KIF13A: variants seen among roughly 807,000 people sequenced by gnomAD.
The protein encoded by KIF13A is kinesin family member 13A.
A neutral mutation model predicts 212.2 loss-of-function variants in KIF13A; 79 were observed. The observed-to-expected ratio is 0.37, with a 90% CI of 0.31 to 0.45. The LOEUF is 0.45. Ranked by LOEUF, KIF13A falls within the 20% of genes least tolerant of loss-of-function variation. The pLI is 1.00. For missense variants in KIF13A, 1,901 were observed against 2,209.0 expected (o/e 0.86, Z 2.79); for synonymous variants, 789 against 808.6 (o/e 0.98, Z 0.41).
chr6:17,907,456 A>C (rs1176937325), intron 2 of KIF13A, among the ~76,000 whole-genome samples: 4 of 151,598 alleles, frequency 2.6e-5, no homozygotes, highest in African/African-American at 9.7e-5. Context: ...AGGGTTATCC[A>C]TGTGGTTAAT....
intron 9 of KIF13A, among the ~76,000 whole-genome samples, chr6:17,848,602 G>T: frequency 1.9e-5 from 2 of 107,746 alleles, no homozygotes; most frequent in African/African-American, 7.3e-5. Context: ...GTCTCGCTCT[G>T]TTGCCTAGGC....
chr6:17,785,861 G>C lies in KIF13A; in HGVS notation c.3362-220C>G, dbSNP rs1381782803. 1.3e-5 allele frequency among the ~76,000 whole-genome samples: 2 copies of C among 152,042 alleles called. No homozygotes were observed. Among genetic ancestry groups the C allele is most frequent in the Non-Finnish European group, 2.9e-5 (2 of 68,012 alleles). On this transcript the variant is annotated intron_variant, in intron 27 of 38. Coordinates refer to ENST00000259711, the MANE Select transcript of KIF13A (RefSeq NM_022113.6). This position sits in a 1 kb window ranked among gnomAD's most constrained non-coding sequence, Gnocchi z 5.8. ...GAGCCTGGGAGTTCAAGGCTACAGT[G>C]AGCTATCATCACATTACTGTACTAA...
chr6:17,779,087 T>C lies in KIF13A; in HGVS notation c.3952A>G (p.Ile1318Val), dbSNP rs1748280803. ...VSNIPKATEEIEDRETLALLA... is the reference protein window; with the variant it reads ...VSNIPKATEEVEDRETLALLA... ...AGAGCCAGCGTTTCCCGGTCCTCTA[T>C]CTCCTCAGTTGCCTACGAGGACAGG... Residue 1318 changes from isoleucine (I) to valine (V), a missense_variant, in exon 33 of 39, where the codon ATA becomes GTA. Physicochemically the swap from Ile to Val is conservative, Grantham distance 29. This residue lies in a region of KIF13A where 687 missense variants were observed against 759.1 expected (regional missense o/e 0.90). Transcript: ENST00000259711. 1 of 1,613,646 alleles carries C rather than the reference T, an allele frequency of 6.2e-7. No individual in the cohort carries two copies. Among genetic ancestry groups the C allele is most frequent in the East Asian group, 2.2e-5 (1 of 44,854 alleles).
At chr6:17,939,985 A>G (rs1776811067) in intron 2 of KIF13A, among the ~76,000 whole-genome samples, 1 of 149,930 alleles carries the variant, frequency 6.7e-6, no homozygotes, top group Non-Finnish European at 1.5e-5. Context: ...GCTTGCAGTG[A>G]GCCGAGATCG....
chr6:17,802,749 C>T (rs1260177637), intron 20 of KIF13A, among the ~76,000 whole-genome samples: 1 of 151,802 alleles, frequency 6.6e-6, no homozygotes, highest in East Asian at 1.9e-4. Context: ...GTTAACTGTG[C>T]TTTTTCTTTT....
chr6:17,876,465 G>A (rs1472965084), intron 3 of KIF13A, among the ~76,000 whole-genome samples: 3 of 152,046 alleles, frequency 2.0e-5, no homozygotes, highest in African/African-American at 4.8e-5. Flanking sequence ...GGCCCAGTTC[G>A]ATACATTTTT....
chr6:17,821,722 T>C, intron 16 of KIF13A: 1 of 1,509,034 alleles, frequency 6.6e-7, no homozygotes, highest in Non-Finnish European at 8.8e-7. Context: ...AGCATGAGCA[T>C]CAATCAGCAG....
intron 2 of KIF13A, among the ~76,000 whole-genome samples, chr6:17,981,073 A>T (rs1159153471): frequency 6.6e-6 from 1 of 151,424 alleles, no homozygotes; most frequent in Admixed American, 6.6e-5. Flanking sequence ...TGACCACTTC[A>T]CAATTTAAAC....
intron 2 of KIF13A, among the ~76,000 whole-genome samples, chr6:17,975,019 G>C (rs1382899574): frequency 6.6e-6 from 1 of 152,104 alleles, no homozygotes; most frequent in Non-Finnish European, 1.5e-5. Context: ...CAAGCTACCA[G>C]CATCAGCCAT....
In KIF13A at chr6:17,789,624, T is replaced by C. The variant is rs1184418613; in HGVS notation, c.3261+248A>G. ...TTAATACAGTGATAATGGTCTTGCT[T>C]AGCAATAAGCCAGTAAATCGAGATG... On this transcript the variant is annotated intron_variant, in intron 26 of 38. Coordinates refer to ENST00000259711, the MANE Select transcript of KIF13A (RefSeq NM_022113.6). This position sits in a 1 kb window ranked among gnomAD's most constrained non-coding sequence, Gnocchi z 4.8. Among the ~76,000 whole-genome samples the C allele has an allele frequency of 6.6e-6, 1 of 152,192 alleles. No individual in the cohort carries two copies. Among genetic ancestry groups the C allele is most frequent in the African/African-American group, 2.4e-5 (1 of 41,436 alleles).
chr6:17,953,448 G>C (rs1778054818), intron 2 of KIF13A: 1 of 152,092 alleles, frequency 6.6e-6, no homozygotes, highest in East Asian at 1.9e-4. Flanking sequence ...AATCTTTAAA[G>C]CCCCAGATGT....
chr6:17,952,701 C>T (rs1336837330), intron 2 of KIF13A, among the ~76,000 whole-genome samples: 1 of 152,054 alleles, frequency 6.6e-6, no homozygotes, highest in African/African-American at 2.4e-5. Flanking sequence ...GAGGCTGAGG[C>T]AGGCAGATCA....
chr6:17,913,920 C>T (rs1774278611), intron 2 of KIF13A, among the ~76,000 whole-genome samples: 2 of 152,290 alleles, frequency 1.3e-5, no homozygotes, highest in South Asian at 2.1e-4. Context: ...AGCTGAGGCT[C>T]AGTGCCAGCC....
intron 2 of KIF13A, among the ~76,000 whole-genome samples, chr6:17,920,589 T>C (rs1255611303): frequency 6.6e-6 from 1 of 152,166 alleles, no homozygotes; most frequent in Admixed American, 6.6e-5. Flanking sequence ...AAAAGTAATA[T>C]GCGGCTGGGT....
At chr6:17,800,954 G>T (rs989317569) in intron 20 of KIF13A, among the ~76,000 whole-genome samples, 2 of 151,662 alleles carry the variant, frequency 1.3e-5, no homozygotes, top group African/African-American at 2.4e-5. Context: ...GGCTGGTCTC[G>T]AACTCCTGAC....
intron 3 of KIF13A, among the ~76,000 whole-genome samples, chr6:17,889,012 C>A (rs564740616): frequency 6.6e-6 from 1 of 152,262 alleles, no homozygotes; most frequent in East Asian, 1.9e-4. Flanking sequence ...CCACTTGTGG[C>A]TAAATGGCTA....
intron 2 of KIF13A, among the ~76,000 whole-genome samples, chr6:17,938,651 T>G (rs534346333): frequency 1.3e-5 from 2 of 152,238 alleles, no homozygotes; most frequent in East Asian, 3.9e-4. Context: ...ATTTGACAAC[T>G]AAATCTCACT....
At chr6:17,932,168 A>T (rs920129172) in intron 2 of KIF13A, among the ~76,000 whole-genome samples, 2 of 152,182 alleles carry the variant, frequency 1.3e-5, no homozygotes, top group African/African-American at 4.8e-5. Flanking sequence ...ACACACAGAT[A>T]CACACACATA....
Position 17,836,764 on chromosome 6 carries a change from G to A in KIF13A, c.1155+114C>T, listed in dbSNP as rs893651482. 3.5e-5 allele frequency: 32 copies of A among 902,818 alleles called. No individual in the cohort carries two copies. In the South Asian group the frequency reaches 4.7e-4, roughly 13 times the overall value. 55.9% of individuals were successfully genotyped at this position (902,818 alleles called of 1,614,324 possible). A position where few individuals can be genotyped will look rare whatever the true frequency, so the allele number is the denominator to read the frequency against. ...CAATTCAACATGAGATTTGGGTAGA[G>A]ACATAAATCGAAACCATATCAGATG... On this transcript the variant is annotated intron_variant, in intron 11 of 38. Transcript: ENST00000259711.
Sources: allele counts gnomAD v4.1 joint callset (sites outside exome capture counted in the v4.1 genomes callset), GRCh38; gene constraint gnomAD v4.1.1; regional missense constraint gnomAD v4.1.1; non-coding constraint Gnocchi (gnomAD v3.1); transcripts MANE v1.5; gene names NCBI Gene and HGNC (gene_info 2026-07-23, HGNC 2026-07-21).